The following SLC29A3 variants were observed in gnomAD, a reference collection of about 807,000 sequenced individuals.
SLC29A3 encodes solute carrier family 29 member 3, also known as equilibrative nucleoside transporter 3.
SLC29A3 carries 18 observed loss-of-function variants against 25.4 expected under a neutral mutation model. The ratio of observed to expected loss-of-function variants is 0.71; its 90% CI spans 0.49 to 1.05. SLC29A3 has a LOEUF of 1.05. Among genes scored for constraint, SLC29A3 ranks in the 50% least tolerant of loss-of-function variants. The probability of loss-of-function intolerance (pLI) is 0.00; values close to 1 mark genes in which losing one functional copy is unlikely to be tolerated. For missense variants in SLC29A3, 586 were observed against 609.0 expected (o/e 0.96, Z 0.40); for synonymous variants, 258 against 267.1 (o/e 0.97, Z 0.33).
chr10:71,352,099 G>C (rs1480339512), intron 4 of SLC29A3, among the ~76,000 whole-genome samples: 2 of 152,154 alleles, frequency 1.3e-5, no homozygotes, highest in African/African-American at 4.8e-5. Context: ...GTGGCTGCTG[G>C]CTGGAAGCTT....
chr10:71,368,689 A>G (rs1847188023), intron 3 of SLC29A3, among the ~76,000 whole-genome samples: 1 of 152,198 alleles, frequency 6.6e-6, no homozygotes, highest in Admixed American at 6.5e-5. Flanking sequence ...TCATGAATGC[A>G]CAGCCATGAA....
chr10:71,345,500 C>T (rs1846546526), intron 3 of SLC29A3, among the ~76,000 whole-genome samples: 1 of 152,236 alleles, frequency 6.6e-6, no homozygotes, highest in Admixed American at 6.5e-5. Context: ...TTTTGCCACA[C>T]TTGACTGGTT....
chr10:71,364,483 A>G (rs905893474), downstream of SLC29A3: 13 of 152,174 alleles, frequency 8.5e-5, no homozygotes, highest in African/African-American at 2.4e-4. Context: ...TCCTTGGAAA[A>G]CAGCATGGCA....
intron 2 of SLC29A3, among the ~76,000 whole-genome samples, chr10:71,323,608 C>A (rs1845902675): frequency 6.6e-6 from 1 of 152,240 alleles, no homozygotes; most frequent in Admixed American, 6.5e-5. Context: ...AGGCATGTGA[C>A]CACATCAGCT....
chr10:71,320,461 T>C (rs1044635502), intron 1 of SLC29A3, among the ~76,000 whole-genome samples: 14 of 141,710 alleles, frequency 9.9e-5, no homozygotes, highest in Non-Finnish European at 1.7e-4. Flanking sequence ...GCTGGTTGAT[T>C]TGGTTTCTGA....
rs267607058 is a variant in SLC29A3, at chr10:71,362,526, C to T, written c.1346C>T (p.Thr449Met). 1.1e-5 allele frequency: 17 copies of T among 1,614,028 alleles called. No homozygotes were observed. The South Asian group carries it at 1.4e-4, about 14-fold the overall frequency. ...KIVPRELAEA[T>M]GVVMSFYVCL... ...GTGCCCAGGGAGCTGGCTGAGGCCACGGGAGTGGTGATGTCCTTTTATGTG... is the reference window on the plus strand; with the variant it reads ...GTGCCCAGGGAGCTGGCTGAGGCCATGGGAGTGGTGATGTCCTTTTATGTG... Residue 449 changes from threonine to methionine, a missense_variant, in exon 6 of 6, where the codon ACG becomes ATG. Thr to Met is a moderately conservative substitution (Grantham distance 81). Transcript: ENST00000373189.
chr10:71,342,134 C>T lies in SLC29A3; in HGVS notation c.301-2075C>T, dbSNP rs147922429. ...TGTGAGCATCAGGAGGCACGGATCA[C>T]GGGCCACCTTAGAGTCTGCCACCAC... is the stretch of plus-strand genomic sequence containing the variant. On this transcript the variant is annotated intron_variant, in intron 2 of 5. Coordinates refer to ENST00000373189, the MANE Select transcript of SLC29A3 (RefSeq NM_018344.6). 1.0e-3 allele frequency among the ~76,000 whole-genome samples: 154 copies of T among 152,300 alleles called. 1 individual carries two copies. The East Asian group carries it at 0.018, about 18-fold the overall frequency.
At chr10:71,350,314 C>CGTGTGTGT (rs775651402) in intron 3 of SLC29A3, among the ~76,000 whole-genome samples, 30,345 of 142,236 alleles carry the variant, frequency 0.21, 3,764 homozygotes, top group Non-Finnish European at 0.28. Flanking sequence ...TTCACACCTA[C>CGTGTGTGT]GTGTGTGTGT....
At chr10:71,375,555 A>G (rs909542578) in intron 3 of SLC29A3, 1 of 152,230 alleles carries the variant, frequency 6.6e-6, no homozygotes, top group Non-Finnish European at 1.5e-5. Flanking sequence ...ACGCCAGGTG[A>G]TAGTGGTTTT....
downstream of SLC29A3, chr10:71,365,090 A>G (rs1424137635): frequency 6.6e-6 from 1 of 152,142 alleles, no homozygotes; most frequent in Non-Finnish European, 1.5e-5. Context: ...TTAGCCGGGC[A>G]TGGTGGTGGG....
chr10:71,380,063 G>A (rs1847290961), exon 5 of SLC29A3: 2 of 152,242 alleles, frequency 1.3e-5, no homozygotes, highest in South Asian at 4.1e-4. Context: ...ATGGGGAGGA[G>A]CGCTTACCCC....
At chr10:71,348,951 T>A (rs746191476) in intron 3 of SLC29A3, among the ~76,000 whole-genome samples, 11 of 152,146 alleles carry the variant, frequency 7.2e-5, no homozygotes, top group Non-Finnish European at 1.5e-4. Flanking sequence ...AAGAACACAG[T>A]CCTGCTGGGG....
intron 5 of SLC29A3, among the ~76,000 whole-genome samples, chr10:71,356,462 C>T (rs1316043045): frequency 3.9e-5 from 6 of 152,216 alleles, no homozygotes; most frequent in Non-Finnish European, 8.8e-5. Flanking sequence ...TAATAGTTCA[C>T]ACTGGTGAAA....
At chr10:71,378,234 T>G (rs7897039) in intron 4 of SLC29A3, among the ~76,000 whole-genome samples, 50,093 of 152,036 alleles carry the variant, frequency 0.33, 9,064 homozygotes, top group African/African-American at 0.48. Context: ...ACCATATGAA[T>G]GCATAGCTAG....
intron 3 of SLC29A3, among the ~76,000 whole-genome samples, chr10:71,345,788 C>G (rs1846557466): frequency 6.6e-6 from 1 of 152,150 alleles, no homozygotes; most frequent in Non-Finnish European, 1.5e-5. Flanking sequence ...CTGCGCCTCG[C>G]AGGAGAGAGG....
chr10:71,329,804 G>A (rs1440460371), intron 2 of SLC29A3, among the ~76,000 whole-genome samples: 1 of 152,204 alleles, frequency 6.6e-6, no homozygotes. Context: ...GCCTCCACTA[G>A]AGTACCCATT....
chr10:71,319,543 C>G (rs1449322926), intron 1 of SLC29A3: 2 of 413,622 alleles, frequency 4.8e-6, no homozygotes, highest in South Asian at 1.2e-4. Context: ...CCCTCCTCCT[C>G]CCTGAGACTG....
intron 3 of SLC29A3, among the ~76,000 whole-genome samples, chr10:71,373,676 C>T (rs1319149749): frequency 6.6e-6 from 1 of 152,212 alleles, no homozygotes; most frequent in African/African-American, 2.4e-5. Context: ...GACAAGGAGT[C>T]TGTAGGACCA....
At chr10:71,356,391 G>A (rs1042962743) in intron 5 of SLC29A3, 148 bp downstream of exon 5, 45 of 977,012 alleles carry the variant, frequency 4.6e-5, no homozygotes, top group African/African-American at 3.6e-4. Context: ...GCTGGTGGAC[G>A]TGAGAGGCTG....
Sources: allele counts gnomAD v4.1 joint callset (sites outside exome capture counted in the v4.1 genomes callset), GRCh38; gene constraint gnomAD v4.1.1; transcripts MANE v1.5; gene names NCBI Gene and HGNC (gene_info 2026-07-23, HGNC 2026-07-21).